The following BTD variants were observed in gnomAD, a reference collection of about 807,000 sequenced individuals.
The protein encoded by BTD is biocytinase.
A neutral mutation model predicts 17.7 loss-of-function variants in BTD; 13 were observed. The ratio of observed to expected loss-of-function variants is 0.74; its 90% CI spans 0.48 to 1.17. The LOEUF (loss-of-function observed/expected upper bound fraction) is 1.17, where lower values mean the gene tolerates loss of function less well. Among genes scored for constraint, BTD ranks in the 50% most tolerant of loss-of-function variants. BTD has a pLI of 0.00. For synonymous variants in BTD, 240 were observed against 245.2 expected (o/e 0.98, Z 0.20); for missense variants, 674 against 650.4 (o/e 1.04, Z -0.39).
chr3:15,662,423 A>G (rs2065933783), intron 3 of BTD, among the ~76,000 whole-genome samples: 1 of 152,200 alleles, frequency 6.6e-6, no homozygotes, highest in African/African-American at 2.4e-5. Context: ...CTGCTGGCAT[A>G]TGAGAAAGTA....
At position 15,644,841 on chromosome 3, in the gene BTD, A is replaced by G; in HGVS notation, c.925A>G (p.Lys309Glu). 1 of 1,614,240 alleles carries G rather than the reference A, an allele frequency of 6.2e-7. No individual in the cohort carries two copies. Among genetic ancestry groups the G allele is most frequent in the Middle Eastern group, 1.6e-4 (1 of 6,062 alleles). The stretch of plus-strand genomic sequence containing the variant: ...TTGGTACCATGACATGGAAAATCCC[A>G]AAAGTCACCTTATAATTGCCCAGGT... ...SFWYHDMENP[K>E]SHLIIAQVAK... Residue 309 changes from lysine to glutamate, a missense_variant, in exon 4 of 4, where the codon AAA becomes GAA. Coordinates refer to ENST00000643237, the MANE Select transcript of BTD (RefSeq NM_001370658.1).
intron 3 of BTD, among the ~76,000 whole-genome samples, chr3:15,661,265 CAAAAAAA>C (rs56165902): frequency 0.059 from 5,534 of 93,686 alleles, 330 homozygotes; most frequent in African/African-American, 0.21. Flanking sequence ...GACTCTGTCT[CAAAAAAA>C]AAAAAAAAAA....
chr3:15,714,774 T>G (rs2072803383), downstream of BTD: 1 of 656,330 alleles, frequency 1.5e-6, no homozygotes, highest in Admixed American at 4.0e-5. Context: ...TGAATTAAGT[T>G]TAACTGAGGC....
intron 4 of BTD, chr3:15,721,223 T>A: frequency 1.0e-6 from 1 of 1,001,400 alleles, no homozygotes; most frequent in Non-Finnish European, 1.5e-6. Context: ...ATCAAATTAC[T>A]AAAGTGAGAA....
At chr3:15,714,487 A>G (rs757963371), downstream of BTD, 27 of 902,932 alleles carry the variant, frequency 3.0e-5, no homozygotes, top group Middle Eastern at 3.1e-4. Flanking sequence ...TGCGATGACA[A>G]TTCCTCAATA....
chr3:15,670,034 A>G (rs932373844), intron 3 of BTD: 28 of 473,828 alleles, frequency 5.9e-5, no homozygotes, highest in Non-Finnish European at 9.4e-5. Flanking sequence ...CAATTCCACA[A>G]AGAATTCTGA....
chr3:15,714,694 TC>T, downstream of BTD: 2 of 1,450,238 alleles, frequency 1.4e-6, 1 homozygote, highest in Middle Eastern at 3.6e-4. Flanking sequence ...CTCTACTATA[TC>T]CATAATGTGT....
At chr3:15,602,079 C>G in intron 1 of BTD, 185 bp downstream of exon 1, 2 of 1,440,712 alleles carry the variant, frequency 1.4e-6, no homozygotes, top group Non-Finnish European at 1.8e-6. Context: ...GTTGCGTTTT[C>G]TAGGCATTTA....
intron 1 of BTD, among the ~76,000 whole-genome samples, chr3:15,605,225 G>A (rs560791702): frequency 2.0e-5 from 3 of 152,304 alleles, no homozygotes; most frequent in East Asian, 1.9e-4. Flanking sequence ...CTGGAGAGAC[G>A]TCACAATCAT....
At chr3:15,694,717 C>T (rs201918821) in intron 3 of BTD, 10 of 1,594,478 alleles carry the variant, frequency 6.3e-6, no homozygotes, top group African/African-American at 1.3e-5. Context: ...GCCATCAAGT[C>T]GGCTATGAAG....
Position 15,651,191 on chromosome 3 carries a change from C to T in BTD, c.*5703C>T, listed in dbSNP as rs549635644. On this transcript the variant is annotated 3_prime_UTR_variant, in exon 4 of 4. Coordinates refer to ENST00000643237, the MANE Select transcript of BTD (RefSeq NM_001370658.1). ...GGGTGGGGACTGTTTCCCAGGGGAA[C>T]ACTGGGACAGCGTTACCAGGGGAAG... Among the ~76,000 whole-genome samples the T allele has an allele frequency of 6.6e-6, 1 of 152,328 alleles. No individual in the cohort carries two copies. Among genetic ancestry groups the T allele is most frequent in the East Asian group, 1.9e-4 (1 of 5,188 alleles).
At chr3:15,602,004 G>C (rs1226616664) in intron 1 of BTD, 110 bp downstream of exon 1, 1 of 1,534,294 alleles carries the variant, frequency 6.5e-7, no homozygotes, top group Non-Finnish European at 8.8e-7. Flanking sequence ...AAGGCTGCCG[G>C]GAGCTGGGAA....
intron 4 of BTD, among the ~76,000 whole-genome samples, chr3:15,719,897 G>T (rs953211238): frequency 6.6e-6 from 1 of 151,900 alleles, no homozygotes; most frequent in East Asian, 1.9e-4. Context: ...TTGAGACAGG[G>T]TCTCACTCTG....
At position 15,707,400 on chromosome 3, in the gene BTD, C is replaced by G. The variant is rs558253063; in HGVS notation, c.400-2660C>G. On this transcript the variant is annotated intron_variant, in intron 3 of 3. Transcript: ENST00000672141. ...GGCCAACATTTACTTATTCTGCCAT[C>G]TAATTTACCTATTTAAGCAACATGT... Among the ~76,000 whole-genome samples, 120 of 152,314 alleles carry G rather than the reference C, an allele frequency of 7.9e-4. 1 individual carries two copies. In the South Asian group the frequency reaches 0.025, roughly 32 times the overall value.
chr3:15,609,589 G>A (rs1398920324), intron 1 of BTD, among the ~76,000 whole-genome samples: 1 of 152,186 alleles, frequency 6.6e-6, no homozygotes, highest in Non-Finnish European at 1.5e-5. Flanking sequence ...AGTCTCAACT[G>A]TGGAGCTTTA....
At chr3:15,631,641 T>A in intron 1 of BTD, 1 of 707,358 alleles carries the variant, frequency 1.4e-6, no homozygotes, top group Non-Finnish European at 2.3e-6. Flanking sequence ...TGGGGGAATG[T>A]TTTCCTTATG....
At chr3:15,609,033 T>C (rs1173522025) in intron 1 of BTD, among the ~76,000 whole-genome samples, 1 of 152,238 alleles carries the variant, frequency 6.6e-6, no homozygotes, top group Non-Finnish European at 1.5e-5. Context: ...GGGAAGAATC[T>C]CTGAGTGATT....
chr3:15,718,412 T>C (rs2073323627), intron 4 of BTD, among the ~76,000 whole-genome samples: 1 of 152,150 alleles, frequency 6.6e-6, no homozygotes, highest in Non-Finnish European at 1.5e-5. Context: ...ACCACTGAGT[T>C]TTCTAAATTA....
rs1236695609 is a variant in BTD at position 15,679,320 on chromosome 3, C to T, written c.400-30740C>T. The T allele has an allele frequency of 3.1e-6, 5 of 1,613,762 alleles. No homozygotes were observed. Among genetic ancestry groups the T allele is most frequent in the South Asian group, 1.1e-5 (1 of 91,086 alleles). ...TCCTACCTTCCTTTTGAATCTGTGG[C>T]GTTCACAATGCTGGCACCTAATGTA... On this transcript the variant is annotated intron_variant, in intron 3 of 3. Coordinates refer to the BTD transcript ENST00000672141.
Sources: gnomAD v4.1 joint callset for allele counts (sites outside exome capture counted in the v4.1 genomes callset) on GRCh38, gnomAD v4.1.1 for gene constraint, MANE v1.5 for transcripts, NCBI Gene and HGNC (gene_info 2026-07-23, HGNC 2026-07-21) for gene names.